ANO3: variants seen among roughly 807,000 people sequenced by gnomAD.
ANO3 encodes anoctamin 3.
A neutral mutation model predicts 144.8 loss-of-function variants in ANO3; 99 were observed. The observed-to-expected ratio is 0.68, with a 90% CI of 0.58 to 0.81. The LOEUF is 0.81. Among genes scored for constraint, ANO3 ranks in the 30% least tolerant of loss-of-function variants. ANO3 has a pLI of 0.00. For synonymous variants in ANO3, 414 were observed against 392.6 expected, an observed-to-expected ratio of 1.05 and a Z score of -0.64; for missense variants, 905 against 1,202.2, an observed-to-expected ratio of 0.75 and a Z score of 3.66.
intron 1 of ANO3, among the ~76,000 whole-genome samples, chr11:26,408,739 T>G (rs937670993): frequency 6.6e-6 from 1 of 150,984 alleles, no homozygotes; most frequent in African/African-American, 2.4e-5. Flanking sequence ...TGTCCAACAA[T>G]GATAGACTGG....
intron 1 of ANO3, 31 bp downstream of exon 1, chr11:26,332,352 C>T (rs749637992): frequency 6.2e-7 from 1 of 1,610,436 alleles, no homozygotes; most frequent in Non-Finnish European, 8.5e-7. Context: ...CCTCTCCCTG[C>T]GGGCGTCACT....
chr11:26,292,168 A>G (rs1021855539), intron 1 of ANO3, among the ~76,000 whole-genome samples: 1 of 152,016 alleles, frequency 6.6e-6, no homozygotes, highest in African/African-American at 2.4e-5. Flanking sequence ...TTGATCTTCA[A>G]TCACTGATAG....
At chr11:26,451,542 C>T (rs967090530) in intron 3 of ANO3, among the ~76,000 whole-genome samples, 7 of 152,166 alleles carry the variant, frequency 4.6e-5, no homozygotes, top group South Asian at 2.1e-4. Context: ...GAGGAGCGCC[C>T]GCCATTACTC....
chr11:26,287,939 C>T (rs1163704128), intron 1 of ANO3: 2 of 152,164 alleles, frequency 1.3e-5, no homozygotes, highest in Admixed American at 1.3e-4. Context: ...AGAACTTTGT[C>T]AAATAATAGA....
At chr11:26,615,414 A>ATATATATATATTTTT (rs1352935016) in intron 17 of ANO3, among the ~76,000 whole-genome samples, 87 of 130,654 alleles carry the variant, frequency 6.7e-4, no homozygotes, top group African/African-American at 1.6e-3. Context: ...ATATATATAT[A>ATATATATATATTTTT]TTTTTTTTTT....
chr11:26,431,660 T>C (rs1430908427), intron 1 of ANO3, among the ~76,000 whole-genome samples: 1 of 152,256 alleles, frequency 6.6e-6, no homozygotes, highest in Non-Finnish European at 1.5e-5. Context: ...TTTGGTTTTC[T>C]GTTCCTGTGT....
At chr11:26,430,693 A>G (rs1193095511) in intron 1 of ANO3, among the ~76,000 whole-genome samples, 1 of 152,206 alleles carries the variant, frequency 6.6e-6, no homozygotes, top group Non-Finnish European at 1.5e-5. Flanking sequence ...GGGGAAAAAA[A>G]TCAATGAAAT....
At chr11:26,564,439 A>AG (rs1850434833) in intron 14 of ANO3, among the ~76,000 whole-genome samples, 1 of 150,402 alleles carries the variant, frequency 6.6e-6, no homozygotes, top group South Asian at 2.1e-4. Context: ...TATTAAAAAA[A>AG]TTTCAAGGGG....
At chr11:26,249,563 A>AT (rs79055145) in intron 1 of ANO3, among the ~76,000 whole-genome samples, 7 of 152,006 alleles carry the variant, frequency 4.6e-5, no homozygotes, top group African/African-American at 1.7e-4. Context: ...TTAACTCATG[A>AT]TTTTTTTTAA....
Position 26,661,675 on chromosome 11 carries a change from A to C in ANO3, c.*1231A>C, listed in dbSNP as rs879248151. The C allele has an allele frequency of 6.6e-6, 1 of 152,130 alleles. No individual in the cohort carries two copies. The highest frequency in any genetic ancestry group is 2.4e-5 in the African/African-American group (1 of 41,430). The allele number at this position is 152,130 out of a possible 1,614,324, so 9.4% of individuals were successfully genotyped here. On this transcript the variant is annotated 3_prime_UTR_variant, in exon 27 of 27. Coordinates refer to ENST00000256737, the MANE Select transcript of ANO3 (RefSeq NM_031418.4). The stretch of plus-strand genomic sequence containing the variant: ...TGGTTTATTTTTAACAACGCTCTAG[A>C]AACAAAGTCAAATTAATCACAAAAG...
chr11:26,324,018 C>T (rs2133881510), intron 1 of ANO3, among the ~76,000 whole-genome samples: 1 of 152,234 alleles, frequency 6.6e-6, no homozygotes, highest in East Asian at 1.9e-4. Context: ...CTGTTAAAGC[C>T]ACATTCACAA....
At chr11:26,563,379 T>G in intron 14 of ANO3, 1 of 1,093,276 alleles carries the variant, frequency 9.1e-7, no homozygotes, top group Non-Finnish European at 1.2e-6. Context: ...AATTAGATAA[T>G]GGTGTGTTTC....
intron 1 of ANO3, among the ~76,000 whole-genome samples, chr11:26,345,639 C>G (rs1855480123): frequency 6.6e-6 from 1 of 152,148 alleles, no homozygotes; most frequent in African/African-American, 2.4e-5. Context: ...AAGTTTACTT[C>G]TACCAAGAAT....
intron 23 of ANO3, among the ~76,000 whole-genome samples, chr11:26,646,868 AT>A (rs1301729766): frequency 3.3e-5 from 5 of 152,020 alleles, no homozygotes; most frequent in African/African-American, 9.7e-5. Context: ...CTCAAATATG[AT>A]TTTTATCGGT....
intron 1 of ANO3, among the ~76,000 whole-genome samples, chr11:26,290,540 T>G (rs11029489): frequency 0.019 from 2,961 of 152,256 alleles, 58 homozygotes; most frequent in East Asian, 0.12. Flanking sequence ...TTCTCTTGTG[T>G]ACATTTAGTG....
At chr11:26,230,797 CAAAAAAAAAAAAAAAAAAAAAAA>C (rs1168180646) in intron 1 of ANO3, among the ~76,000 whole-genome samples, 12 of 11,346 alleles carry the variant, frequency 1.1e-3, no homozygotes, top group East Asian at 9.3e-3. Context: ...ACTCCATCTC[CAAAAAAAAAAAAAAAAAAAAAAA>C]AAAAAAAAAA....
intron 1 of ANO3, among the ~76,000 whole-genome samples, chr11:26,311,219 G>T (rs1854495600): frequency 6.6e-6 from 1 of 152,166 alleles, no homozygotes; most frequent in Non-Finnish European, 1.5e-5. Flanking sequence ...TTGGTTCATT[G>T]ACTAAGTCTA....
intron 4 of ANO3, among the ~76,000 whole-genome samples, chr11:26,501,879 C>T (rs10834988): frequency 0.6 from 91,064 of 151,992 alleles, 27,954 homozygotes; most frequent in East Asian, 0.68. Context: ...GTTGGATAAC[C>T]ATGTGAGAGG....
At chr11:26,193,316 A>G (rs1851515002) in intron 1 of ANO3, among the ~76,000 whole-genome samples, 1 of 151,094 alleles carries the variant, frequency 6.6e-6, no homozygotes, top group African/African-American at 2.4e-5. Flanking sequence ...TAATTTTTGT[A>G]TTTTTACTAG....
Sources: allele counts gnomAD v4.1 joint callset (sites outside exome capture counted in the v4.1 genomes callset), GRCh38; gene constraint gnomAD v4.1.1; transcripts MANE v1.5; gene names NCBI Gene and HGNC (gene_info 2026-07-23, HGNC 2026-07-21).